Variants in MFSD11 observed in about 807,000 individuals in gnomAD.
MFSD11 encodes the protein UNC93-like protein MFSD11.
MFSD11 carries 36 observed loss-of-function variants against 53.5 expected under a neutral mutation model. That is an observed-to-expected ratio of 0.67 (90% CI 0.52 to 0.89). MFSD11 has a LOEUF of 0.89. Among genes scored for constraint, MFSD11 ranks in the 40% least tolerant of loss-of-function variants. MFSD11 has a pLI of 0.00. For synonymous variants in MFSD11, 186 were observed against 184.9 expected, an observed-to-expected ratio of 1.01 and a Z score of -0.05; for missense variants, 530 against 543.9, an observed-to-expected ratio of 0.97 and a Z score of 0.25.
At chr17:76,746,268 G>A (rs2078534599) in intron 7 of MFSD11, among the ~76,000 whole-genome samples, 1 of 152,174 alleles carries the variant, frequency 6.6e-6, no homozygotes, top group Non-Finnish European at 1.5e-5. Flanking sequence ...AGAGACGTGA[G>A]GAATCTTTAG....
At position 76,778,660 on chromosome 17, in the gene MFSD11, C is replaced by T; in HGVS notation, c.*308C>T. The T allele has an allele frequency of 3.8e-6, 1 of 263,648 alleles. No homozygotes were observed. The highest frequency in any genetic ancestry group is 7.2e-6 in the Non-Finnish European group (1 of 138,148). 16.3% of individuals were successfully genotyped at this position (263,648 alleles called of 1,614,324 possible). On this transcript the variant is annotated 3_prime_UTR_variant, in exon 13 of 13. Transcript: ENST00000685175. The stretch of plus-strand genomic sequence containing the variant: ...TAAATGTTTTCTTCTCTCTCCTGCT[C>T]TTGTTGGAAGATCCTGCCTTGATTT...
chr17:76,747,033 C>T (rs1468137984), intron 7 of MFSD11, among the ~76,000 whole-genome samples: 1 of 151,944 alleles, frequency 6.6e-6, no homozygotes, highest in Admixed American at 6.6e-5. Flanking sequence ...CCTCAGCCTC[C>T]TCAGTAACTG....
At chr17:76,760,927 C>A (rs768926254) in intron 8 of MFSD11, among the ~76,000 whole-genome samples, 1 of 152,138 alleles carries the variant, frequency 6.6e-6, no homozygotes, top group African/African-American at 2.4e-5. Context: ...CATTGCTGGC[C>A]GGGCGCAGTG....
the MFSD11 span, among the ~76,000 whole-genome samples, chr17:76,798,656 G>A: frequency 6.6e-6 from 1 of 152,132 alleles, no homozygotes; most frequent in South Asian, 2.1e-4. Context: ...ATCACATCTA[G>A]TAAAGGTCTG....
At chr17:76,743,322 G>A (rs1010987501) in intron 5 of MFSD11, 76 bp from the exon 6 acceptor site, 9 of 940,698 alleles carry the variant, frequency 9.6e-6, no homozygotes, top group Non-Finnish European at 1.4e-5. Flanking sequence ...AACAAATAAT[G>A]GGAATAATTA....
downstream of MFSD11, among the ~76,000 whole-genome samples, chr17:76,779,641 C>T (rs2082103731): frequency 6.6e-6 from 1 of 152,088 alleles, no homozygotes; most frequent in African/African-American, 2.4e-5. Context: ...TGTGCCACCA[C>T]ACCTGGCTAA....
At position 76,755,170 on chromosome 17, in the gene MFSD11, T is replaced by C. The variant is rs2079441365; in HGVS notation, c.682+1083T>C. Reference sequence around the variant, plus strand: ...AGGTGGAGGTTGCACTGAGCTGATATCACGCCACTGCACTCCAGCCTGGGC... The same window carrying C: ...AGGTGGAGGTTGCACTGAGCTGATACCACGCCACTGCACTCCAGCCTGGGC... On this transcript the variant is annotated intron_variant, in intron 8 of 12. Transcript: ENST00000685175. Among the ~76,000 whole-genome samples, 9 of 151,018 alleles carry C rather than the reference T, an allele frequency of 6.0e-5. No homozygotes were observed. In the South Asian group the frequency reaches 1.7e-3, roughly 28 times the overall value.
At chr17:76,748,554 G>C (rs1295764881) in intron 7 of MFSD11, among the ~76,000 whole-genome samples, 1 of 151,894 alleles carries the variant, frequency 6.6e-6, no homozygotes, top group Non-Finnish European at 1.5e-5. Context: ...AGGTGTGGTG[G>C]TGCACGCCTG....
intron 8 of MFSD11, chr17:76,754,296 GC>G: frequency 1.9e-6 from 1 of 514,004 alleles, no homozygotes. Flanking sequence ...CTGCCCACCT[GC>G]CCAGGTGTGT....
Position 76,744,418 on chromosome 17 carries a change from TC to T in MFSD11, c.595del (p.Leu199Ter), listed in dbSNP as rs779407106. Reference sequence around the variant, plus strand: ...ATTCGGAAACCAGATTCTGAAAATGTCCTAGGAGAAGATGAGTCTTCTGATG... The same window carrying T: ...ATTCGGAAACCAGATTCTGAAAATGTCTAGGAGAAGATGAGTCTTCTGATG... ...FLIRKPDSEN[V>X]LGEDESSDDQ... On this transcript the variant is annotated frameshift_variant, in exon 7 of 13. Transcript: ENST00000685175. LOFTEE classifies it high-confidence loss of function. The T allele has an allele frequency of 2.4e-4, 384 of 1,613,980 alleles. No individual in the cohort carries two copies. Among genetic ancestry groups the T allele is most frequent in the Non-Finnish European group, 3.1e-4 (362 of 1,179,990 alleles).
chr17:76,737,395 C>G, upstream of MFSD11: 1 of 501,714 alleles, frequency 2.0e-6, no homozygotes. Context: ...CCGCGCCACC[C>G]GGAAATGAAA....
intron 7 of MFSD11, among the ~76,000 whole-genome samples, chr17:76,753,171 C>T (rs1443285430): frequency 6.6e-6 from 1 of 152,140 alleles, no homozygotes; most frequent in Non-Finnish European, 1.5e-5. Flanking sequence ...GTCAAAGTCT[C>T]TTGGTTCTCG....
upstream of MFSD11, chr17:76,737,276 C>T (rs1466205775): frequency 9.4e-6 from 13 of 1,382,658 alleles, no homozygotes; most frequent in Admixed American, 2.8e-5. Context: ...TGGGAAAGGC[C>T]TTGCCGCAGA....
intron 7 of MFSD11, 34 bp from the exon 8 acceptor site, chr17:76,754,013 G>T: frequency 6.3e-7 from 1 of 1,575,758 alleles, no homozygotes; most frequent in South Asian, 1.1e-5. Context: ...TTTTCAAAAA[G>T]AAAAAACTTA....
At chr17:76,762,693 A>T (rs925374571) in intron 8 of MFSD11, among the ~76,000 whole-genome samples, 10 of 150,750 alleles carry the variant, frequency 6.6e-5, no homozygotes, top group African/African-American at 2.4e-4. Context: ...TTGACCAGCT[A>T]GTGAGACTCA....
At chr17:76,736,758 CGCCCCGCCCCGCCTCCCGCGG>C, upstream of MFSD11, 1 of 1,397,752 alleles carries the variant, frequency 7.2e-7, no homozygotes, top group East Asian at 2.8e-5. Flanking sequence ...GCCTCCCGCG[CGCCCCGCCCCGCCTCCCGCGG>C]TCCCCTCAGC....
chr17:76,755,185 C>T (rs2079443069), intron 8 of MFSD11, among the ~76,000 whole-genome samples: 1 of 151,796 alleles, frequency 6.6e-6, no homozygotes, highest in South Asian at 2.1e-4. Flanking sequence ...CCACTGCACT[C>T]CAGCCTGGGC....
intron 7 of MFSD11, among the ~76,000 whole-genome samples, chr17:76,748,529 A>G (rs910104553): frequency 6.6e-6 from 1 of 151,900 alleles, no homozygotes; most frequent in Non-Finnish European, 1.5e-5. Flanking sequence ...TACTTAAAAA[A>G]AAAAAAAATG....
At chr17:76,782,179 T>A (rs1267369496), downstream of MFSD11, among the ~76,000 whole-genome samples, 3 of 151,334 alleles carry the variant, frequency 2.0e-5, no homozygotes, top group Non-Finnish European at 4.4e-5. Flanking sequence ...AGTTCTTTTT[T>A]ATTTTTATTT....
Sources: gnomAD v4.1 joint callset for allele counts (sites outside exome capture counted in the v4.1 genomes callset) on GRCh38, gnomAD v4.1.1 for gene constraint, MANE v1.5 for transcripts, NCBI Gene and HGNC (gene_info 2026-07-23, HGNC 2026-07-21) for gene names.